STAC: variants seen among roughly 807,000 people sequenced by gnomAD.
The protein encoded by STAC is SH3 and cysteine-rich domain-containing protein.
Under a neutral mutation model 48.8 loss-of-function variants are expected in STAC, and 43 were observed. The observed-to-expected ratio is 0.88, with a 90% confidence interval of 0.69 to 1.14. The LOEUF is 1.14. Among genes scored for constraint, STAC ranks in the 50% most tolerant of loss-of-function variants. The probability of loss-of-function intolerance (pLI) is 0.00; values close to 1 mark genes in which losing one functional copy is unlikely to be tolerated. For synonymous variants in STAC, 193 were observed against 179.5 expected (o/e 1.07, Z -0.60); for missense variants, 497 against 504.0 (o/e 0.99, Z 0.13).
intron 1 of STAC, among the ~76,000 whole-genome samples, chr3:36,440,455 T>C (rs1174595412): frequency 6.6e-6 from 1 of 152,296 alleles, no homozygotes; most frequent in East Asian, 1.9e-4. Context: ...GACTCTATCC[T>C]AGAGTGGCAG....
At chr3:36,542,172 C>T (rs1310793327) in intron 10 of STAC, among the ~76,000 whole-genome samples, 1 of 152,132 alleles carries the variant, frequency 6.6e-6, no homozygotes, top group Non-Finnish European at 1.5e-5. Flanking sequence ...CACCTTATTC[C>T]TCCAATTAAA....
chr3:36,541,994 G>A (rs1228645739), intron 10 of STAC, among the ~76,000 whole-genome samples: 5 of 151,944 alleles, frequency 3.3e-5, no homozygotes, highest in South Asian at 2.1e-4. Flanking sequence ...GTTAGAGAGA[G>A]GGAGGAAGGA....
chr3:36,489,661 T>C (rs923057976), intron 5 of STAC, among the ~76,000 whole-genome samples: 1 of 152,248 alleles, frequency 6.6e-6, no homozygotes, highest in Non-Finnish European at 1.5e-5. Flanking sequence ...GCTTTGTGTT[T>C]TCATTACTTT....
chr3:36,420,113 T>C, intron 1 of STAC, among the ~76,000 whole-genome samples: 1 of 152,234 alleles, frequency 6.6e-6, no homozygotes, highest in East Asian at 1.9e-4. Flanking sequence ...TATGTACCTC[T>C]ACAGTATTAG....
At chr3:36,441,652 C>T (rs1332484864) in intron 1 of STAC, among the ~76,000 whole-genome samples, 1 of 152,138 alleles carries the variant, frequency 6.6e-6, no homozygotes, top group Non-Finnish European at 1.5e-5. Flanking sequence ...CTATTTGTAG[C>T]TTTTAGAGGA....
intron 8 of STAC, among the ~76,000 whole-genome samples, chr3:36,516,588 A>C (rs1698677760): frequency 6.6e-6 from 1 of 152,208 alleles, no homozygotes; most frequent in African/African-American, 2.4e-5. Flanking sequence ...GAGGTAATGC[A>C]GACCATGATA....
At chr3:36,474,882 T>C (rs1455541964) in intron 2 of STAC, among the ~76,000 whole-genome samples, 1 of 152,200 alleles carries the variant, frequency 6.6e-6, no homozygotes, top group Non-Finnish European at 1.5e-5. Context: ...GTTCAATCAT[T>C]TTTAATCCCT....
chr3:36,386,173 T>G (rs1017749911), intron 1 of STAC, among the ~76,000 whole-genome samples: 2 of 152,102 alleles, frequency 1.3e-5, no homozygotes, highest in Admixed American at 6.6e-5. Context: ...GGCCATCTAA[T>G]AAGCAATTAA....
intron 1 of STAC, among the ~76,000 whole-genome samples, chr3:36,427,312 C>A (rs1351831232): frequency 6.6e-6 from 1 of 152,158 alleles, no homozygotes; most frequent in African/African-American, 2.4e-5. Context: ...TATATGAATT[C>A]TTGTATGTGA....
At chr3:36,491,811 C>T (rs938935592) in intron 5 of STAC, among the ~76,000 whole-genome samples, 3 of 150,364 alleles carry the variant, frequency 2.0e-5, no homozygotes, top group Non-Finnish European at 3.0e-5. Flanking sequence ...GTCAGGAGTT[C>T]GAGATAAGCC....
At chr3:36,438,201 G>A (rs1696210850) in intron 1 of STAC, among the ~76,000 whole-genome samples, 1 of 152,110 alleles carries the variant, frequency 6.6e-6, no homozygotes, top group Non-Finnish European at 1.5e-5. Context: ...TAAGTGCTGG[G>A]ATGACAGGCG....
intron 2 of STAC, among the ~76,000 whole-genome samples, chr3:36,466,149 T>C (rs1210119004): frequency 2.0e-5 from 3 of 152,210 alleles, no homozygotes; most frequent in Admixed American, 1.3e-4. Flanking sequence ...ATTTGTTGAA[T>C]AGGATGTCTT....
At chr3:36,485,277 C>T (rs975520090) in intron 4 of STAC, among the ~76,000 whole-genome samples, 1 of 152,108 alleles carries the variant, frequency 6.6e-6, no homozygotes, top group African/African-American at 2.4e-5. Context: ...CAGAAAACAC[C>T]TAAATCCCAA....
In STAC at chr3:36,398,458, AGGAAGGAAGGAAGGAAGGAG is replaced by A. The variant is rs1266655746; in HGVS notation, c.111+17714_111+17733del. On this transcript the variant is annotated intron_variant, in intron 1 of 10. Transcript: ENST00000273183. Reference sequence around the variant, plus strand: ...AAGGAAGGAAGGAAGGAAGGAAGGAAGGAAGGAAGGAAGGAAGGAGGGAAGGAAGAAAGGAAGGAGGGAAG... The same window carrying A: ...AAGGAAGGAAGGAAGGAAGGAAGGAAGGAAGGAAGAAAGGAAGGAGGGAAG... Among the ~76,000 whole-genome samples the A allele has an allele frequency of 5.1e-5, 4 of 79,140 alleles. 1 individual carries two copies. Among genetic ancestry groups the A allele is most frequent in the Non-Finnish European group, 1.2e-4 (4 of 33,780 alleles). 51.9% of individuals were successfully genotyped at this position (79,140 alleles called of 152,430 possible).
chr3:36,533,479 T>A (rs1029027321), intron 10 of STAC, among the ~76,000 whole-genome samples: 3 of 10,084 alleles, frequency 3.0e-4, no homozygotes, highest in African/African-American at 1.8e-3. Flanking sequence ...TAGCATGTTT[T>A]TTTTTTTTTT....
At chr3:36,442,328 G>C (rs1355953226) in intron 1 of STAC, among the ~76,000 whole-genome samples, 1 of 152,192 alleles carries the variant, frequency 6.6e-6, no homozygotes, top group African/African-American at 2.4e-5. Context: ...CCAGGCAAAA[G>C]AAAGAACTCC....
chr3:36,467,101 T>A (rs1697199015), intron 2 of STAC, among the ~76,000 whole-genome samples: 1 of 152,152 alleles, frequency 6.6e-6, no homozygotes, highest in Non-Finnish European at 1.5e-5. Flanking sequence ...ATTGAGATGA[T>A]CGTGTAATTT....
intron 1 of STAC, among the ~76,000 whole-genome samples, chr3:36,415,277 C>G (rs981044276): frequency 2.6e-5 from 4 of 152,190 alleles, no homozygotes; most frequent in Admixed American, 6.5e-5. Context: ...GTGGAGTCTA[C>G]AGAGGCAGGC....
chr3:36,467,113 C>T (rs1372336797), intron 2 of STAC, among the ~76,000 whole-genome samples: 1 of 151,958 alleles, frequency 6.6e-6, no homozygotes, highest in Non-Finnish European at 1.5e-5. Flanking sequence ...GTGTAATTTT[C>T]ATTTTTAATT....
Sources: allele counts gnomAD v4.1 joint callset (sites outside exome capture counted in the v4.1 genomes callset), GRCh38; gene constraint gnomAD v4.1.1; transcripts MANE v1.5; gene names NCBI Gene and HGNC (gene_info 2026-07-23, HGNC 2026-07-21).